RPS6KA2: variants seen among roughly 807,000 people sequenced by gnomAD.
RPS6KA2 encodes ribosomal protein S6 kinase A2.
In RPS6KA2, 42 loss-of-function variants were observed where a neutral mutation model predicts 91.8. That is an observed-to-expected ratio of 0.46 (90% CI 0.36 to 0.59). The LOEUF (loss-of-function observed/expected upper bound fraction) is 0.59, where lower values mean the gene tolerates loss of function less well. RPS6KA2 is among the 20% of genes least tolerant of loss of function. The pLI, the probability that RPS6KA2 is intolerant of heterozygous loss-of-function variation, is 0.00. For synonymous variants in RPS6KA2, 414 were observed against 393.6 expected (o/e 1.05, Z -0.61); for missense variants, 798 against 978.5 (o/e 0.82, Z 2.46).
chr6:166,618,283 C>T (rs1786491640), intron 1 of RPS6KA2, among the ~76,000 whole-genome samples: 1 of 152,226 alleles, frequency 6.6e-6, no homozygotes. Flanking sequence ...CTCCACTATA[C>T]CCACAGTCAC....
intron 1 of RPS6KA2, among the ~76,000 whole-genome samples, chr6:166,566,514 C>T (rs1205056770): frequency 6.6e-6 from 1 of 152,238 alleles, no homozygotes; most frequent in Non-Finnish European, 1.5e-5. Context: ...GCACCAGGCT[C>T]AGGCTTCCAG....
At chr6:166,512,613 G>A (rs918819398) in intron 3 of RPS6KA2, among the ~76,000 whole-genome samples, 2 of 152,150 alleles carry the variant, frequency 1.3e-5, no homozygotes, top group Non-Finnish European at 2.9e-5. Context: ...TTGCTTTCCC[G>A]TTTGGTCTGT....
intron 20 of RPS6KA2, 24 bp downstream of exon 20, chr6:166,413,770 G>T (rs945092951): frequency 6.2e-7 from 1 of 1,612,796 alleles, no homozygotes; most frequent in Non-Finnish European, 8.5e-7. Context: ...CCACCACTCT[G>T]TCCTCACTGT....
At chr6:166,735,381 C>T (rs539922289) in intron 2 of RPS6KA2, among the ~76,000 whole-genome samples, 1 of 152,310 alleles carries the variant, frequency 6.6e-6, no homozygotes, top group African/African-American at 2.4e-5. Context: ...CTTTTTGGCA[C>T]CAGGGACTGG....
At chr6:166,516,125 A>C (rs1782635514) in intron 3 of RPS6KA2, among the ~76,000 whole-genome samples, 1 of 152,264 alleles carries the variant, frequency 6.6e-6, no homozygotes. Flanking sequence ...TCACAGGTGC[A>C]TGCCCTCAAC....
chr6:166,638,809 C>T (rs927226068), intron 2 of RPS6KA2, among the ~76,000 whole-genome samples: 3 of 152,134 alleles, frequency 2.0e-5, no homozygotes, highest in African/African-American at 7.2e-5. Context: ...CTGCTGAACC[C>T]TCTACAGTGT....
rs540972726 is a variant in RPS6KA2, at chr6:166,849,540, G to A, written c.123+8660C>T. Among the ~76,000 whole-genome samples the A allele has an allele frequency of 2.0e-5, 3 of 152,284 alleles. No homozygotes were observed. Among genetic ancestry groups the A allele is most frequent in the South Asian group, 4.1e-4 (2 of 4,826 alleles). On this transcript the variant is annotated intron_variant, in intron 2 of 21. Transcript: ENST00000503859. The surrounding 1 kb of genome is among the most constrained non-coding windows in gnomAD (Gnocchi z 4.9). ...GGCGGATCAGCTTGAGTCACCACGCGTGTAGCTGACAGTGGAGGACCCCAG... is the reference window on the plus strand; with the variant it reads ...GGCGGATCAGCTTGAGTCACCACGCATGTAGCTGACAGTGGAGGACCCCAG...
chr6:166,540,999 CCTCTT>C lies in RPS6KA2; in HGVS notation c.100-2220_100-2216del, dbSNP rs1783635768. Among the ~76,000 whole-genome samples, 15 of 152,308 alleles carry C rather than the reference CCTCTT, an allele frequency of 9.8e-5. No individual in the cohort carries two copies. The South Asian group carries it at 3.1e-3, about 32-fold the overall frequency. ...GTCATTTAAAGAACAACAAAATACTCCTCTTCTGTTACTAAAACACTGTCCTCGCA... is the reference window on the plus strand; with the variant it reads ...GTCATTTAAAGAACAACAAAATACTCCTGTTACTAAAACACTGTCCTCGCA... On this transcript the variant is annotated intron_variant, in intron 1 of 20. Coordinates refer to ENST00000265678, the MANE Select transcript of RPS6KA2 (RefSeq NM_021135.6).
At chr6:166,716,875 CTG>C (rs758225496) in intron 2 of RPS6KA2, among the ~76,000 whole-genome samples, 1 of 142,522 alleles carries the variant, frequency 7.0e-6, no homozygotes, top group African/African-American at 2.6e-5. Context: ...TGTCAAAACA[CTG>C]TAACCGAAAT....
rs138697041 is a variant in RPS6KA2, at chr6:166,653,745, G to A, written c.124-114961C>T. Among the ~76,000 whole-genome samples the A allele has an allele frequency of 1.6e-4, 25 of 152,276 alleles. No individual in the cohort carries two copies. The East Asian group carries it at 3.7e-3, about 22-fold the overall frequency. On this transcript the variant is annotated intron_variant, in intron 2 of 21. Coordinates refer to the RPS6KA2 transcript ENST00000503859. ...CAGCGGCACATGAATTCCAGGTAGC[G>A]GCTCCCTGGTTACAGGACAGAAGTA...
rs144017663 is a variant in RPS6KA2, at chr6:166,419,463, C to T, written c.1820+419G>A. 1.1e-4 allele frequency among the ~76,000 whole-genome samples: 16 copies of T among 152,314 alleles called. No homozygotes were observed. Among genetic ancestry groups the T allele is most frequent in the African/African-American group, 2.9e-4 (12 of 41,572 alleles). On this transcript the variant is annotated intron_variant, in intron 18 of 20. Transcript: ENST00000265678. The surrounding 1 kb of genome is among the most constrained non-coding windows in gnomAD (Gnocchi z 5.6). The stretch of plus-strand genomic sequence containing the variant: ...CACCACGTGTCTTACCACAATGAAC[C>T]GGCCCGTGCATGACTCATGACCACG...
intron 12 of RPS6KA2, among the ~76,000 whole-genome samples, chr6:166,454,733 A>G (rs918209372): frequency 2.6e-5 from 4 of 152,162 alleles, no homozygotes; most frequent in Non-Finnish European, 1.5e-5. Flanking sequence ...AAGGAGCCAC[A>G]GTTGCATGGA....
At chr6:166,658,601 G>T (rs890292829) in intron 2 of RPS6KA2, among the ~76,000 whole-genome samples, 1 of 152,108 alleles carries the variant, frequency 6.6e-6, no homozygotes, top group East Asian at 1.9e-4. Flanking sequence ...TCCATGTCAG[G>T]ATGTACCGGG....
At chr6:166,556,121 A>C (rs912954779) in intron 1 of RPS6KA2, among the ~76,000 whole-genome samples, 14 of 152,296 alleles carry the variant, frequency 9.2e-5, no homozygotes, top group Admixed American at 5.9e-4. Context: ...TTTGGGGAGC[A>C]GTGAATAGCC....
intron 20 of RPS6KA2, among the ~76,000 whole-genome samples, chr6:166,413,299 G>A (rs1447598157): frequency 1.3e-5 from 2 of 152,184 alleles, no homozygotes; most frequent in East Asian, 1.9e-4. Context: ...CCACTGTTGA[G>A]GAGTCTGGAC....
intron 14 of RPS6KA2, among the ~76,000 whole-genome samples, chr6:166,436,464 G>C (rs1277120078): frequency 6.6e-6 from 1 of 152,226 alleles, no homozygotes; most frequent in African/African-American, 2.4e-5. Flanking sequence ...GGCAGTCCTG[G>C]CTCTCAATGC....
intron 2 of RPS6KA2, among the ~76,000 whole-genome samples, chr6:166,783,854 TATGCACAC>T (rs1778849739): frequency 2.4e-5 from 2 of 82,796 alleles, no homozygotes; most frequent in Non-Finnish European, 4.8e-5. Context: ...CTATACCACA[TATGCACAC>T]GTGCACACCT....
At chr6:166,497,609 A>C (rs1711554686) in intron 8 of RPS6KA2, among the ~76,000 whole-genome samples, 1 of 152,188 alleles carries the variant, frequency 6.6e-6, no homozygotes, top group African/African-American at 2.4e-5. Flanking sequence ...GTGGCAAAGG[A>C]CCAGCGAGGC....
At chr6:166,739,172 C>T (rs1790744589) in intron 2 of RPS6KA2, among the ~76,000 whole-genome samples, 1 of 152,184 alleles carries the variant, frequency 6.6e-6, no homozygotes, top group Non-Finnish European at 1.5e-5. Context: ...TGCAGTGAGT[C>T]ACTCAGATTT....
Sources: gnomAD v4.1 joint callset for allele counts (sites outside exome capture counted in the v4.1 genomes callset) on GRCh38, gnomAD v4.1.1 for gene constraint, Gnocchi (gnomAD v3.1) non-coding constraint, MANE v1.5 for transcripts, NCBI Gene and HGNC (gene_info 2026-07-23, HGNC 2026-07-21) for gene names.